PRKCE: variants seen among roughly 807,000 people sequenced by gnomAD.
The protein encoded by PRKCE is protein kinase C epsilon type.
Under a neutral mutation model 85.4 loss-of-function variants are expected in PRKCE, and 16 were observed. That is an observed-to-expected ratio of 0.19 (90% CI 0.13 to 0.28). PRKCE has a LOEUF of 0.28. Ranked by LOEUF, PRKCE falls within the 10% of genes least tolerant of loss-of-function variation. PRKCE has a pLI of 1.00. For synonymous variants in PRKCE, 388 were observed against 371.5 expected (o/e 1.04, Z -0.51); for missense variants, 573 against 975.2 (o/e 0.59, Z 5.49).
intron 1 of PRKCE, among the ~76,000 whole-genome samples, chr2:45,808,070 G>A (rs1425697804): frequency 6.6e-6 from 1 of 152,062 alleles, no homozygotes; most frequent in African/African-American, 2.4e-5. Context: ...GATCATGGTA[G>A]CGCATAGTGG....
chr2:45,658,456 C>A (rs1393384556), intron 1 of PRKCE, among the ~76,000 whole-genome samples: 2 of 152,184 alleles, frequency 1.3e-5, no homozygotes, highest in Non-Finnish European at 2.9e-5. Flanking sequence ...ATATTTGAGA[C>A]CCTGAATTCC....
intron 1 of PRKCE, among the ~76,000 whole-genome samples, chr2:45,717,061 G>A (rs1355261848): frequency 1.3e-5 from 2 of 152,174 alleles, no homozygotes; most frequent in African/African-American, 4.8e-5. Flanking sequence ...TGAGATTTGG[G>A]TGGGGACACA....
rs917287747 is a variant in PRKCE at position 46,159,649 on chromosome 2, C to T, written c.1964C>T (p.Ser655Leu). 11 of 1,599,246 alleles carry T rather than the reference C, an allele frequency of 6.9e-6. No individual in the cohort carries two copies. The highest frequency in any genetic ancestry group is 1.6e-4 in the Middle Eastern group (1 of 6,080). Residue 655 changes from serine to leucine, a missense_variant, in exon 14 of 15, where the codon TCG becomes TTG. By Grantham distance (145) the Ser-to-Leu change is moderately radical. Coordinates refer to ENST00000306156, the MANE Select transcript of PRKCE (RefSeq NM_005400.3). The surrounding 1 kb of genome is among the most constrained non-coding windows in gnomAD (Gnocchi z 4.1). ...NPHKRLGCVA[S>L]QNGEDAIKQH... is the part of the protein sequence containing the mutation. ...CACAAGCGCCTGGGCTGTGTGGCAT[C>T]GCAGAATGGCGAGGACGCCATCAAG...
rs570051836 is a variant in PRKCE at position 45,690,821 on chromosome 2, A to C, written c.348+38373A>C. Among the ~76,000 whole-genome samples the C allele has an allele frequency of 3.0e-4, 45 of 152,364 alleles. No homozygotes were observed. The South Asian group carries it at 6.4e-3, about 22-fold the overall frequency. On this transcript the variant is annotated intron_variant, in intron 1 of 14. Coordinates refer to ENST00000306156, the MANE Select transcript of PRKCE (RefSeq NM_005400.3). ...TGGACTGGGGCACCAGTGGAAAGGC[A>C]ATCATAGACCATCCAGGTGCTCCCA...
chr2:45,727,771 C>T (rs2104519017), intron 1 of PRKCE, among the ~76,000 whole-genome samples: 1 of 152,336 alleles, frequency 6.6e-6, no homozygotes, highest in Non-Finnish European at 1.5e-5. Context: ...TCTCCCGCTT[C>T]AGCCTCCTGA....
At chr2:46,149,764 A>C (rs1676430329) in intron 12 of PRKCE, among the ~76,000 whole-genome samples, 2 of 150,008 alleles carry the variant, frequency 1.3e-5, no homozygotes, top group East Asian at 3.9e-4. Flanking sequence ...TGTCATTGAC[A>C]TGCTACATAT....
chr2:45,903,602 A>G (rs1696731574), intron 2 of PRKCE, among the ~76,000 whole-genome samples: 1 of 152,156 alleles, frequency 6.6e-6, no homozygotes, highest in Non-Finnish European at 1.5e-5. Flanking sequence ...ATAAAGAATT[A>G]TTTTTTCTGG....
intron 1 of PRKCE, among the ~76,000 whole-genome samples, chr2:45,667,428 G>A (rs1433636924): frequency 3.3e-5 from 5 of 152,124 alleles, no homozygotes; most frequent in Admixed American, 6.5e-5. Context: ...GATTATAGGC[G>A]TGAGCCACCA....
intron 1 of PRKCE, among the ~76,000 whole-genome samples, chr2:45,714,334 G>A (rs547261117): frequency 6.6e-6 from 1 of 152,222 alleles, no homozygotes; most frequent in Non-Finnish European, 1.5e-5. Context: ...GTCCTACAAA[G>A]ATGCAATAAA....
intron 2 of PRKCE, among the ~76,000 whole-genome samples, chr2:45,916,689 C>T (rs1468001744): frequency 6.6e-6 from 1 of 152,164 alleles, no homozygotes; most frequent in Non-Finnish European, 1.5e-5. Context: ...TTTAAAAGAG[C>T]ATACAGTCTA....
intron 11 of PRKCE, among the ~76,000 whole-genome samples, chr2:46,123,417 A>G (rs1177071434): frequency 3.9e-5 from 6 of 151,972 alleles, no homozygotes; most frequent in African/African-American, 1.5e-4. Flanking sequence ...GAGGGGATGG[A>G]TGATTTGTCG....
chr2:45,769,423 G>C (rs929852144), intron 1 of PRKCE, among the ~76,000 whole-genome samples: 1 of 151,960 alleles, frequency 6.6e-6, no homozygotes, highest in Admixed American at 6.5e-5. Flanking sequence ...ATCTGCATCT[G>C]TGTGTGTGTG....
At chr2:45,812,009 T>C (rs1688687014) in intron 1 of PRKCE, among the ~76,000 whole-genome samples, 1 of 152,184 alleles carries the variant, frequency 6.6e-6, no homozygotes, top group African/African-American at 2.4e-5. Context: ...CTCTTGGCAC[T>C]GTCTGTAGTC....
At chr2:46,043,357 A>G (rs952025078) in intron 10 of PRKCE, among the ~76,000 whole-genome samples, 30 of 152,372 alleles carry the variant, frequency 2.0e-4, no homozygotes, top group African/African-American at 6.7e-4. Flanking sequence ...TGGCAAGACA[A>G]ACAACTTTCA....
At chr2:45,949,402 G>GTTTTTTTTTTTTTTTTTATTTTTTTTT (rs35033431) in intron 2 of PRKCE, among the ~76,000 whole-genome samples, 1 of 118,746 alleles carries the variant, frequency 8.4e-6, no homozygotes, top group Non-Finnish European at 1.7e-5. Flanking sequence ...TATTTTGCTT[G>GTTTTTTTTTTTTTTTTTATTTTTTTTT]TTTTTTTTTT....
chr2:45,661,514 TTG>T (rs1199132834), intron 1 of PRKCE, among the ~76,000 whole-genome samples: 2 of 125,234 alleles, frequency 1.6e-5, no homozygotes, highest in African/African-American at 6.1e-5. Flanking sequence ...TTGTTTTGTT[TTG>T]TTTTTTGTTT....
intron 10 of PRKCE, among the ~76,000 whole-genome samples, chr2:46,071,245 T>A (rs923369446): frequency 6.6e-6 from 1 of 152,260 alleles, no homozygotes; most frequent in Non-Finnish European, 1.5e-5. Flanking sequence ...AAAGAGATTG[T>A]AGCCTTTTTG....
At chr2:45,782,861 T>C (rs1286135780) in intron 1 of PRKCE, among the ~76,000 whole-genome samples, 1 of 152,106 alleles carries the variant, frequency 6.6e-6, no homozygotes, top group African/African-American at 2.4e-5. Flanking sequence ...TTCTGGAACT[T>C]TGTCAGCCAG....
chr2:45,743,396 C>G (rs984894710), intron 1 of PRKCE, among the ~76,000 whole-genome samples: 1 of 152,124 alleles, frequency 6.6e-6, no homozygotes, highest in East Asian at 1.9e-4. Flanking sequence ...GTCAATTATA[C>G]CTCAATAAAG....
Sources: gnomAD v4.1 joint callset for allele counts (sites outside exome capture counted in the v4.1 genomes callset) on GRCh38, gnomAD v4.1.1 for gene constraint, Gnocchi (gnomAD v3.1) non-coding constraint, MANE v1.5 for transcripts, NCBI Gene and HGNC (gene_info 2026-07-23, HGNC 2026-07-21) for gene names.